The following RBFOX1 variants were observed in gnomAD, a reference collection of about 807,000 sequenced individuals.
RBFOX1 encodes the protein RNA binding protein fox-1 homolog 1.
A neutral mutation model predicts 57.7 loss-of-function variants in RBFOX1; 8 were observed. The observed-to-expected ratio is 0.14, with a 90% CI of 0.08 to 0.25. The LOEUF is 0.25. RBFOX1 is among the 10% of genes least tolerant of loss of function. The pLI is 1.00. For synonymous variants in RBFOX1, 326 were observed against 222.4 expected, an observed-to-expected ratio of 1.47 and a Z score of -4.15; for missense variants, 611 against 548.5, an observed-to-expected ratio of 1.11 and a Z score of -1.14.
chr16:7,677,978 T>C (rs1204038756), intron 14 of RBFOX1, among the ~76,000 whole-genome samples: 1 of 152,186 alleles, frequency 6.6e-6, no homozygotes, highest in Non-Finnish European at 1.5e-5. Context: ...TGTTAGCTAA[T>C]TGTAGCTACA....
intron 4 of RBFOX1, among the ~76,000 whole-genome samples, chr16:7,419,961 A>C (rs1339256014): frequency 7.2e-6 from 1 of 138,432 alleles, no homozygotes; most frequent in Non-Finnish European, 1.5e-5. Context: ...TTTGGTTGGA[A>C]GAATAAGTAT....
intron 2 of RBFOX1, among the ~76,000 whole-genome samples, chr16:6,353,674 C>T (rs952311725): frequency 2.6e-5 from 4 of 152,108 alleles, no homozygotes; most frequent in African/African-American, 9.7e-5. Context: ...ATGTCCCTAG[C>T]CCTTTGTTCC....
chr16:6,055,590 CAAAAAAAAAAA>C (rs35872547), intron 1 of RBFOX1, among the ~76,000 whole-genome samples: 1 of 65,586 alleles, frequency 1.5e-5, no homozygotes, highest in African/African-American at 6.6e-5. Context: ...GAGACTCCGT[CAAAAAAAAAAA>C]AAAAAAAAAA....
At chr16:5,505,447 G>C (rs1206755694) in intron 2 of RBFOX1, among the ~76,000 whole-genome samples, 14 of 152,120 alleles carry the variant, frequency 9.2e-5, no homozygotes. Context: ...ATTGGGGGTG[G>C]GTTTAGTGTC....
chr16:6,951,944 C>T (rs145312822), intron 3 of RBFOX1, among the ~76,000 whole-genome samples: 1 of 152,158 alleles, frequency 6.6e-6, no homozygotes, highest in Non-Finnish European at 1.5e-5. Flanking sequence ...CCATGTTGGT[C>T]AGGCTGGTCT....
chr16:7,321,038 G>A (rs2096535130), intron 4 of RBFOX1, among the ~76,000 whole-genome samples: 1 of 143,158 alleles, frequency 7.0e-6, no homozygotes, highest in South Asian at 2.3e-4. Flanking sequence ...TAGTAAACTG[G>A]AGACCAGAGA....
intron 3 of RBFOX1, among the ~76,000 whole-genome samples, chr16:6,862,127 A>G (rs1486023105): frequency 6.6e-6 from 1 of 152,200 alleles, no homozygotes; most frequent in Non-Finnish European, 1.5e-5. Flanking sequence ...TGCTTCAGCA[A>G]CAATAACAAC....
chr16:6,150,797 C>G (rs906128120), intron 1 of RBFOX1, among the ~76,000 whole-genome samples: 1 of 152,204 alleles, frequency 6.6e-6, no homozygotes, highest in African/African-American at 2.4e-5. Context: ...ACATCAGAAG[C>G]CTCCACATAT....
At chr16:5,839,534 G>A (rs1286862081) in intron 3 of RBFOX1, among the ~76,000 whole-genome samples, 1 of 152,146 alleles carries the variant, frequency 6.6e-6, no homozygotes, top group African/African-American at 2.4e-5. Flanking sequence ...AACCTGAAGT[G>A]CTCTGAACTG....
intron 1 of RBFOX1, chr16:6,037,562 CT>C (rs2095381837): frequency 6.7e-6 from 1 of 148,324 alleles, no homozygotes; most frequent in Non-Finnish European, 1.5e-5. Context: ...AATGCATTTT[CT>C]TTCTTTTTTT....
At chr16:6,843,216 A>G (rs1296269226) in intron 3 of RBFOX1, among the ~76,000 whole-genome samples, 2 of 152,168 alleles carry the variant, frequency 1.3e-5, no homozygotes. Context: ...AGAATGGGTG[A>G]AAATCTCTTT....
chr16:6,605,098 G>T (rs935422086), intron 2 of RBFOX1, among the ~76,000 whole-genome samples: 1 of 151,950 alleles, frequency 6.6e-6, no homozygotes, highest in Non-Finnish European at 1.5e-5. Context: ...AATTAGCTGG[G>T]CACAGTGGTG....
At chr16:7,340,618 T>G in intron 4 of RBFOX1, among the ~76,000 whole-genome samples, 1 of 152,206 alleles carries the variant, frequency 6.6e-6, no homozygotes, top group East Asian at 1.9e-4. Context: ...TTTCTCAGAT[T>G]CATGATCCAT....
At chr16:6,730,255 C>CGTACACCAG (rs913532348) in intron 3 of RBFOX1, among the ~76,000 whole-genome samples, 2 of 152,036 alleles carry the variant, frequency 1.3e-5, no homozygotes, top group African/African-American at 4.8e-5. Flanking sequence ...ATGGTAGAAC[C>CGTACACCAG]GTACACCAGT....
At chr16:5,857,223 A>G (rs1363289403) in intron 3 of RBFOX1, among the ~76,000 whole-genome samples, 1 of 152,170 alleles carries the variant, frequency 6.6e-6, no homozygotes, top group African/African-American at 2.4e-5. Context: ...GTCAGAACAC[A>G]CACTACATTT....
chr16:5,598,861 G>A, intron 2 of RBFOX1: 1 of 1,431,452 alleles, frequency 7.0e-7, no homozygotes, highest in Non-Finnish European at 9.2e-7. Context: ...CCTCAACCCG[G>A]CTTCCCCAAC....
At chr16:5,827,167 C>T (rs1001900719) in intron 3 of RBFOX1, among the ~76,000 whole-genome samples, 2 of 151,940 alleles carry the variant, frequency 1.3e-5, no homozygotes, top group Non-Finnish European at 2.9e-5. Context: ...TCTAGGAGGC[C>T]GAGGTGGGTG....
At chr16:7,330,472 CTGTGTG>C (rs71391624) in intron 4 of RBFOX1, among the ~76,000 whole-genome samples, 6,613 of 94,322 alleles carry the variant, frequency 0.07, 239 homozygotes, top group Non-Finnish European at 0.095. Context: ...ATGGAGAGCT[CTGTGTG>C]TGTGTGTGTG....
At chr16:7,338,999 C>G (rs117279874) in intron 4 of RBFOX1, among the ~76,000 whole-genome samples, 17 of 152,110 alleles carry the variant, frequency 1.1e-4, no homozygotes, top group African/African-American at 4.1e-4. Flanking sequence ...AGTCACTAAG[C>G]GGACTTTTCT....
Sources: gnomAD v4.1 joint callset for allele counts (sites outside exome capture counted in the v4.1 genomes callset) on GRCh38, gnomAD v4.1.1 for gene constraint, MANE v1.5 for transcripts, NCBI Gene and HGNC (gene_info 2026-07-23, HGNC 2026-07-21) for gene names.